The following PLPPR2 variants were observed in gnomAD, a reference collection of about 807,000 sequenced individuals.
PLPPR2 encodes the protein phospholipid phosphatase related 2.
PLPPR2 carries 11 observed loss-of-function variants against 40.3 expected under a neutral mutation model. The observed-to-expected ratio is 0.27, with a 90% confidence interval of 0.17 to 0.45. The LOEUF (loss-of-function observed/expected upper bound fraction) is 0.45, where lower values mean the gene tolerates loss of function less well. PLPPR2 is among the 20% of genes least tolerant of loss of function. The pLI, the probability that PLPPR2 is intolerant of heterozygous loss-of-function variation, is 1.00. For synonymous variants in PLPPR2, 260 were observed against 290.8 expected (o/e 0.89, Z 1.08); for missense variants, 497 against 640.7 (o/e 0.78, Z 2.42).
Position 11,362,765 on chromosome 19 carries a change from T to C in PLPPR2, c.840+76T>C, listed in dbSNP as rs1968087002. ...TGACCCAAGAGGCAGGACCACATGA[T>C]GGAGAAGGGTGTGGACTCTGTGTGA... is the stretch of plus-strand genomic sequence containing the variant. On this transcript the variant is annotated intron_variant, in intron 7 of 9. Coordinates refer to ENST00000688289, the MANE Select transcript of PLPPR2 (RefSeq NM_001393892.1). This position sits in a 1 kb window ranked among gnomAD's most constrained non-coding sequence, Gnocchi z 5.3. 1.3e-6 allele frequency: 2 copies of C among 1,500,294 alleles called. No homozygotes were observed. The highest frequency in any genetic ancestry group is 1.8e-6 in the Non-Finnish European group (2 of 1,106,878). 92.9% of individuals were successfully genotyped at this position (1,500,294 alleles called of 1,614,324 possible).
At chr19:11,357,593 TC>T in intron 2 of PLPPR2, 66 bp from the exon 3 acceptor site, 1 of 1,205,096 alleles carries the variant, frequency 8.3e-7, no homozygotes, top group Non-Finnish European at 1.2e-6. Context: ...GAAGCCAGGG[TC>T]CCGGTGACCT....
Position 11,361,446 on chromosome 19 carries a change from C to T in PLPPR2, c.621C>T (p.Cys207=), listed in dbSNP as rs1240775175. 6.2e-7 allele frequency: 1 copy of T among 1,604,364 alleles called. No homozygotes were observed. Among genetic ancestry groups the T allele is most frequent in the African/African-American group, 1.3e-5 (1 of 74,902 alleles). The change falls in exon 6 of 10, where the codon TGC becomes TGT. Residue 207 remains cysteine, a synonymous_variant. Transcript: ENST00000688289. This position sits in a 1 kb window ranked among gnomAD's most constrained non-coding sequence, Gnocchi z 6.3. The part of the protein sequence containing the change: ...LVAAARRAFP[C]KDAALCAYAV... ...CCGCCGCGCGCCGCGCCTTCCCCTG[C>T]AAGGATGCGGCCCTCTGCGCCTACG...
At position 11,362,098 on chromosome 19, in the gene PLPPR2, G is replaced by A. The variant is rs1968063251; in HGVS notation, c.664-415G>A. Among the ~76,000 whole-genome samples the A allele has an allele frequency of 6.6e-6, 1 of 152,038 alleles. No individual in the cohort carries two copies. Among genetic ancestry groups the A allele is most frequent in the Non-Finnish European group, 1.5e-5 (1 of 67,988 alleles). On this transcript the variant is annotated intron_variant, in intron 6 of 9. Coordinates refer to ENST00000688289, the MANE Select transcript of PLPPR2 (RefSeq NM_001393892.1). This position sits in a 1 kb window ranked among gnomAD's most constrained non-coding sequence, Gnocchi z 5.3. ...CTGTCAGTGGTCCCCTAGGGGTCAG[G>A]GGCTCCACCTCCTACAGCTCCTACA...
Position 11,363,698 on chromosome 19 carries a change from CTCCCTCTAT to C in PLPPR2, c.841-11_841-3del. ...TTGCCCCAGGCCTCAACACTCTCCT[CTCCCTCTAT>C]TCCAGGTCACCTGCGTTGTGCATAA... On this transcript the variant is annotated splice_region_variant and splice_polypyrimidine_tract_variant and intron_variant, in intron 7 of 9. Coordinates refer to ENST00000688289, the MANE Select transcript of PLPPR2 (RefSeq NM_001393892.1). This position sits in a 1 kb window ranked among gnomAD's most constrained non-coding sequence, Gnocchi z 4.8. The C allele has an allele frequency of 6.2e-7, 1 of 1,607,492 alleles. No homozygotes were observed. The highest frequency in any genetic ancestry group is 8.5e-7 in the Non-Finnish European group (1 of 1,174,932).
chr19:11,362,603 G>A lies in PLPPR2; in HGVS notation c.754G>A (p.Gly252Ser), dbSNP rs1341756666. Residue 252 changes from glycine (G) to serine (S), a missense_variant, in exon 7 of 10, where the codon GGC (glycine) becomes AGC (serine). Transcript: ENST00000688289. The surrounding 1 kb of genome is among the most constrained non-coding windows in gnomAD (Gnocchi z 5.3). The part of the protein sequence containing the change: ...LALLCPAFLV[G>S]VVRVAEYRNH... ...CTTGCTGTGCCCGGCCTTCCTGGTG[G>A]GCGTGGTCCGCGTGGCCGAGTACCG... 6.2e-7 allele frequency: 1 copy of A among 1,613,570 alleles called. No individual in the cohort carries two copies.
Position 11,362,328 on chromosome 19 carries a change from CCTT to C in PLPPR2, c.664-184_664-182del. 1.7e-6 allele frequency: 1 copy of C among 582,420 alleles called. No homozygotes were observed. The highest frequency in any genetic ancestry group is 3.0e-6 in the Non-Finnish European group (1 of 330,038). The allele number at this position is 582,420 out of a possible 1,614,324, so 36.1% of individuals were successfully genotyped here. A position where few individuals can be genotyped will look rare whatever the true frequency, so the allele number is the denominator to read the frequency against. ...AAGACCTCAATCCCTGACCCCCCCC[CCTT>C]TGCCTTTTTGGTCACGCTCCCTGGA... On this transcript the variant is annotated intron_variant, in intron 6 of 9. Coordinates refer to ENST00000688289, the MANE Select transcript of PLPPR2 (RefSeq NM_001393892.1). The surrounding 1 kb of genome is among the most constrained non-coding windows in gnomAD (Gnocchi z 5.3).
chr19:11,358,401 G>A (rs1220629214), intron 3 of PLPPR2, among the ~76,000 whole-genome samples: 2 of 152,078 alleles, frequency 1.3e-5, no homozygotes, highest in Non-Finnish European at 2.9e-5. Flanking sequence ...CATGGACAAA[G>A]CTTGGTACGA....
At position 11,362,469 on chromosome 19, in the gene PLPPR2, C is replaced by T. The variant is rs779058156; in HGVS notation, c.664-44C>T. ...GAAAGGAGCGTCCACTTGGGTTCGG[C>T]GACTTGCCTCCGCTATCCCCCTGAC... On this transcript the variant is annotated intron_variant, in intron 6 of 9. Coordinates refer to ENST00000688289, the MANE Select transcript of PLPPR2 (RefSeq NM_001393892.1). The surrounding 1 kb of genome is among the most constrained non-coding windows in gnomAD (Gnocchi z 5.3). 7.5e-6 allele frequency: 12 copies of T among 1,602,778 alleles called. No homozygotes were observed. In the East Asian group the frequency reaches 2.0e-4, roughly 27 times the overall value.
rs929561845 is a variant in PLPPR2 at position 11,365,574 on chromosome 19, G to C, written c.*884G>C. The C allele has an allele frequency of 1.3e-5, 2 of 152,644 alleles. No individual in the cohort carries two copies. Among genetic ancestry groups the C allele is most frequent in the Non-Finnish European group, 2.9e-5 (2 of 68,074 alleles). 9.5% of individuals were successfully genotyped at this position (152,644 alleles called of 1,614,324 possible). ...TGGGGGGCATGGGTGGAGCAGAGGGGCTCCCTCACCCCGGGCAGGCAAAGG... is the reference window on the plus strand; with the variant it reads ...TGGGGGGCATGGGTGGAGCAGAGGGCCTCCCTCACCCCGGGCAGGCAAAGG... On this transcript the variant is annotated 3_prime_UTR_variant, in exon 10 of 10. Coordinates refer to ENST00000688289, the MANE Select transcript of PLPPR2 (RefSeq NM_001393892.1).
Position 11,361,626 on chromosome 19 carries a change from C to T in PLPPR2, c.663+138C>T. 1 of 1,210,552 alleles carries T rather than the reference C, an allele frequency of 8.3e-7. No individual in the cohort carries two copies. Among genetic ancestry groups the T allele is most frequent in the Non-Finnish European group, 1.1e-6 (1 of 892,230 alleles). 75.0% of individuals were successfully genotyped at this position (1,210,552 alleles called of 1,614,324 possible). On this transcript the variant is annotated intron_variant, in intron 6 of 9. Transcript: ENST00000688289. The surrounding 1 kb of genome is among the most constrained non-coding windows in gnomAD (Gnocchi z 6.3). ...GGAAGCTCTCGCTCCACGCCCCGAC[C>T]TGTTGGAAGCTCTCCCTCCTCCTCC...
chr19:11,360,013 A>C (rs1968001150), intron 5 of PLPPR2, 57 bp downstream of exon 5: 3 of 1,528,670 alleles, frequency 2.0e-6, no homozygotes. Flanking sequence ...TGGGTATAGA[A>C]GAAAAGAGTC....
chr19:11,360,286 C>CAAA (rs71164193), intron 5 of PLPPR2, among the ~76,000 whole-genome samples: 9 of 85,250 alleles, frequency 1.1e-4, no homozygotes, highest in African/African-American at 3.1e-4. Context: ...AACTCCGTCT[C>CAAA]AAAAAAAAAA....
In PLPPR2 at chr19:11,362,804, C is replaced by T; in HGVS notation, c.840+115C>T. 8.8e-7 allele frequency: 1 copy of T among 1,136,302 alleles called. No homozygotes were observed. The highest frequency in any genetic ancestry group is 1.2e-6 in the Non-Finnish European group (1 of 814,834). 70.4% of individuals were successfully genotyped at this position (1,136,302 alleles called of 1,614,324 possible). On this transcript the variant is annotated intron_variant, in intron 7 of 9. Transcript: ENST00000688289. This position sits in a 1 kb window ranked among gnomAD's most constrained non-coding sequence, Gnocchi z 5.3. ...GACTCTGTGTGACCTTGGGCCAATC[C>T]CTTAACATTACCCTTCCTGGATATT...
chr19:11,360,092 G>A (rs1456496113), intron 5 of PLPPR2, 136 bp downstream of exon 5: 1 of 1,251,148 alleles, frequency 8.0e-7, no homozygotes, highest in Non-Finnish European at 1.1e-6. Context: ...CAGCACTGTG[G>A]GAGGCCAAGT....
Position 11,364,215 on chromosome 19 carries a change from G to T in PLPPR2, c.1015+3G>T. The T allele has an allele frequency of 6.2e-7, 1 of 1,611,390 alleles. No individual in the cohort carries two copies. The highest frequency in any genetic ancestry group is 8.5e-7 in the Non-Finnish European group (1 of 1,178,362). Reference sequence around the variant, plus strand: ...ACCGGCACGGCTCACCCCATCCAGTGAGTGTTGGGGGAGTGGGGGGCTAAA... The same window carrying T: ...ACCGGCACGGCTCACCCCATCCAGTTAGTGTTGGGGGAGTGGGGGGCTAAA... On this transcript the variant is annotated splice_donor_region_variant and intron_variant, in intron 9 of 9. Transcript: ENST00000688289. This position sits in a 1 kb window ranked among gnomAD's most constrained non-coding sequence, Gnocchi z 5.8.
At chr19:11,360,740 C>A (rs946769208) in intron 5 of PLPPR2, among the ~76,000 whole-genome samples, 1 of 152,034 alleles carries the variant, frequency 6.6e-6, no homozygotes, top group Middle Eastern at 3.2e-3. Flanking sequence ...GGGGGAGGGG[C>A]AGACCTTACC....
rs555258943 is a variant in PLPPR2 at position 11,362,783 on chromosome 19, C to G, written c.840+94C>G. 1.7e-5 allele frequency: 23 copies of G among 1,373,636 alleles called. No homozygotes were observed. Among genetic ancestry groups the G allele is most frequent in the South Asian group, 6.7e-5 (5 of 74,182 alleles). 85.1% of individuals were successfully genotyped at this position (1,373,636 alleles called of 1,614,324 possible). A position where few individuals can be genotyped will look rare whatever the true frequency, so the allele number is the denominator to read the frequency against. ...CACATGATGGAGAAGGGTGTGGACT[C>G]TGTGTGACCTTGGGCCAATCCCTTA... On this transcript the variant is annotated intron_variant, in intron 7 of 9. Coordinates refer to ENST00000688289, the MANE Select transcript of PLPPR2 (RefSeq NM_001393892.1). The surrounding 1 kb of genome is among the most constrained non-coding windows in gnomAD (Gnocchi z 5.3).
rs752846802 is a variant in PLPPR2 at position 11,359,877 on chromosome 19, A to G, written c.312A>G (p.Pro104=). The stretch of plus-strand genomic sequence containing the variant: ...TCCCTGCACCACCTTCAGCCGTCCC[A>G]GTCATCGGGGAGAGCACCATCGTGT... ...AFFPAPPSAV[P]VIGESTIVSG... Residue 104 remains proline (P), a synonymous_variant, in exon 5 of 10, where the codon CCA becomes CCG. Coordinates refer to ENST00000688289, the MANE Select transcript of PLPPR2 (RefSeq NM_001393892.1). The surrounding 1 kb of genome is among the most constrained non-coding windows in gnomAD (Gnocchi z 5.6). 6.2e-7 allele frequency: 1 copy of G among 1,613,928 alleles called. No homozygotes were observed. The highest frequency in any genetic ancestry group is 2.2e-5 in the East Asian group (1 of 44,882).
rs1968152547 is a variant in PLPPR2, at chr19:11,364,872, A to C, written c.*182A>C. The C allele has an allele frequency of 4.3e-6, 3 of 695,922 alleles. No individual in the cohort carries two copies. The South Asian group carries it at 5.5e-5, about 13-fold the overall frequency. The allele number at this position is 695,922 out of a possible 1,614,324, so 43.1% of individuals were successfully genotyped here. A position where few individuals can be genotyped will look rare whatever the true frequency, so the allele number is the denominator to read the frequency against. ...CTCTCTGGCCCTCTGAGATATCCCGATGGGCACAAATGGAAGGTGCGCACT... is the reference window on the plus strand; with the variant it reads ...CTCTCTGGCCCTCTGAGATATCCCGCTGGGCACAAATGGAAGGTGCGCACT... On this transcript the variant is annotated 3_prime_UTR_variant, in exon 10 of 10. Coordinates refer to ENST00000688289, the MANE Select transcript of PLPPR2 (RefSeq NM_001393892.1). This position sits in a 1 kb window ranked among gnomAD's most constrained non-coding sequence, Gnocchi z 5.8.
Sources: gnomAD v4.1 joint callset for allele counts (sites outside exome capture counted in the v4.1 genomes callset) on GRCh38, gnomAD v4.1.1 for gene constraint, Gnocchi (gnomAD v3.1) non-coding constraint, MANE v1.5 for transcripts, NCBI Gene and HGNC (gene_info 2026-07-23, HGNC 2026-07-21) for gene names.